The following PTPRT variants were observed in gnomAD, a reference collection of about 807,000 sequenced individuals.
PTPRT encodes protein tyrosine phosphatase receptor type T, also known as receptor-type tyrosine-protein phosphatase T.
A neutral mutation model predicts 176.8 loss-of-function variants in PTPRT; 56 were observed. The ratio of observed to expected loss-of-function variants is 0.32; its 90% CI spans 0.26 to 0.40. PTPRT has a LOEUF of 0.40. Ranked by LOEUF, PTPRT falls within the 10% of genes least tolerant of loss-of-function variation. PTPRT has a pLI of 1.00. For missense variants in PTPRT, 1,540 were observed against 1,908.2 expected (o/e 0.81, Z 3.60); for synonymous variants, 783 against 739.0 (o/e 1.06, Z -0.96).
Position 43,163,465 on chromosome 20 carries a change from C to T in PTPRT, c.88+26181G>A, listed in dbSNP as rs1051293346. On this transcript the variant is annotated intron_variant, in intron 1 of 30. Coordinates refer to ENST00000373187, the MANE Select transcript of PTPRT (RefSeq NM_007050.6). Reference sequence around the variant, plus strand: ...CATCCTGGCTAACATGGTGAAACCCCGTCTCTACTAAAAATATAAAAAATT... The same window carrying T: ...CATCCTGGCTAACATGGTGAAACCCTGTCTCTACTAAAAATATAAAAAATT... 8.5e-5 allele frequency among the ~76,000 whole-genome samples: 13 copies of T among 152,078 alleles called. No homozygotes were observed. The East Asian group carries it at 2.1e-3, about 25-fold the overall frequency.
At chr20:42,648,820 G>GTTTTTTTTTTTTTTTTGTTT (rs2074968413) in intron 7 of PTPRT, among the ~76,000 whole-genome samples, 2 of 111,834 alleles carry the variant, frequency 1.8e-5, no homozygotes, top group Non-Finnish European at 3.5e-5. Context: ...TGGTGTCGTT[G>GTTTTTTTTTTTTTTTTGTTT]TTTTTTTTTT....
chr20:42,987,749 C>T (rs1444446153), intron 1 of PTPRT, among the ~76,000 whole-genome samples: 1 of 152,100 alleles, frequency 6.6e-6, no homozygotes, highest in Non-Finnish European at 1.5e-5. Flanking sequence ...CCAAAATTCA[C>T]CCATACAGAT....
At chr20:42,413,979 G>A (rs1013209570) in intron 9 of PTPRT, among the ~76,000 whole-genome samples, 1 of 152,054 alleles carries the variant, frequency 6.6e-6, no homozygotes, top group Non-Finnish European at 1.5e-5. Context: ...TCCTCCCGAG[G>A]AGCCACCATG....
rs565918601 is a variant in PTPRT at position 42,381,763 on chromosome 20, T to A, written c.1561-29478A>T. ...GACCCGATTAGTCTTCACCTCTCTT[T>A]GGGTCTGTTTCCAACTTAGACATCT... On this transcript the variant is annotated intron_variant, in intron 9 of 30. Coordinates refer to ENST00000373187, the MANE Select transcript of PTPRT (RefSeq NM_007050.6). 1.6e-4 allele frequency among the ~76,000 whole-genome samples: 25 copies of A among 152,300 alleles called. No homozygotes were observed. In the South Asian group the frequency reaches 4.8e-3, roughly 29 times the overall value.
intron 6 of PTPRT, among the ~76,000 whole-genome samples, chr20:42,714,108 G>A (rs1415689397): frequency 6.6e-6 from 1 of 152,152 alleles, no homozygotes; most frequent in Non-Finnish European, 1.5e-5. Flanking sequence ...GCAGCTGTTG[G>A]GTGAGCACCT....
intron 9 of PTPRT, among the ~76,000 whole-genome samples, chr20:42,447,710 C>A (rs892761780): frequency 6.6e-6 from 1 of 152,094 alleles, no homozygotes; most frequent in Non-Finnish European, 1.5e-5. Context: ...CCAGCTAATG[C>A]TTGGAATGGG....
At chr20:42,149,687 G>A (rs938819268) in intron 17 of PTPRT, among the ~76,000 whole-genome samples, 1 of 152,186 alleles carries the variant, frequency 6.6e-6, no homozygotes, top group African/African-American at 2.4e-5. Context: ...GCCTCCCAAA[G>A]TGCTGGGATT....
At chr20:42,360,324 C>T (rs2058416187) in intron 9 of PTPRT, among the ~76,000 whole-genome samples, 1 of 152,196 alleles carries the variant, frequency 6.6e-6, no homozygotes, top group Non-Finnish European at 1.5e-5. Flanking sequence ...TGCCTTCCCT[C>T]CCCTGCCTCA....
chr20:42,711,402 C>A (rs139873175), intron 6 of PTPRT, among the ~76,000 whole-genome samples: 30 of 152,168 alleles, frequency 2.0e-4, no homozygotes, highest in Non-Finnish European at 3.1e-4. Context: ...TGTCTTAAGG[C>A]TCTCCCTGTG....
At chr20:42,579,577 C>T (rs1364834403) in intron 7 of PTPRT, among the ~76,000 whole-genome samples, 1 of 152,124 alleles carries the variant, frequency 6.6e-6, no homozygotes, top group African/African-American at 2.4e-5. Flanking sequence ...CCTGTTGTTT[C>T]CTGACTTTTT....
chr20:43,126,826 G>C (rs6072987), intron 1 of PTPRT, among the ~76,000 whole-genome samples: 67,711 of 152,040 alleles, frequency 0.45, 17,023 homozygotes, highest in Non-Finnish European at 0.58. Flanking sequence ...ACACTGCACA[G>C]AGTGGTGGTG....
In PTPRT at chr20:42,448,234, T is replaced by C. The variant is rs760100248; in HGVS notation, c.1546A>G (p.Ile516Val). Residue 516 changes from isoleucine (I) to valine (V), a missense_variant, in exon 9 of 31, where the codon ATC (isoleucine) becomes GTC (valine). Around this residue, in one of 11 missense-constraint regions of PTPRT, gnomAD observed 136 missense variants for 135.0 expected, o/e 1.01. Transcript: ENST00000373187. ...GACCTCCTTACCTCGTAGAGCGTGA[T>C]GACCCCATTGGTCTCATTGGGAGGT... The part of the protein sequence containing the change: ...WKPPNETNGV[I>V]TLYEINYKAV... The C allele has an allele frequency of 1.4e-5, 22 of 1,611,462 alleles. No homozygotes were observed. The highest frequency in any genetic ancestry group is 1.8e-5 in the Non-Finnish European group (21 of 1,177,600).
intron 1 of PTPRT, among the ~76,000 whole-genome samples, chr20:43,008,161 G>A (rs188852273): frequency 1.3e-5 from 2 of 152,302 alleles, no homozygotes; most frequent in Non-Finnish European, 2.9e-5. Flanking sequence ...AACCCCACGA[G>A]GTAAGAGTAT....
intron 6 of PTPRT, among the ~76,000 whole-genome samples, chr20:42,739,354 G>A (rs916790495): frequency 2.0e-5 from 3 of 152,154 alleles, no homozygotes; most frequent in Non-Finnish European, 2.9e-5. Flanking sequence ...AGAGGAGGAT[G>A]TGGTAGGGGG....
intron 1 of PTPRT, among the ~76,000 whole-genome samples, chr20:43,086,528 T>C (rs1366077863): frequency 2.0e-5 from 3 of 152,192 alleles, no homozygotes; most frequent in Non-Finnish European, 4.4e-5. Flanking sequence ...GACTGGGTAT[T>C]TTGGCCTGAT....
intron 1 of PTPRT, among the ~76,000 whole-genome samples, chr20:43,025,876 C>T (rs1257086426): frequency 6.6e-6 from 1 of 151,996 alleles, no homozygotes; most frequent in African/African-American, 2.4e-5. Context: ...TCTCTGGCAC[C>T]CTTGCTTAGG....
chr20:42,756,708 A>C, intron 5 of PTPRT, 72 bp from the exon 6 acceptor site: 1 of 1,303,346 alleles, frequency 7.7e-7, no homozygotes, highest in South Asian at 1.6e-5. Context: ...CCCAACACGG[A>C]TATCCACCCA....
At chr20:42,238,487 T>C (rs1037033913) in intron 14 of PTPRT, among the ~76,000 whole-genome samples, 1 of 152,180 alleles carries the variant, frequency 6.6e-6, no homozygotes, top group African/African-American at 2.4e-5. Flanking sequence ...TCACCAGCCA[T>C]ACACGTTAGC....
chr20:42,324,075 A>G (rs1265616840), intron 11 of PTPRT, among the ~76,000 whole-genome samples: 2 of 152,244 alleles, frequency 1.3e-5, no homozygotes, highest in Non-Finnish European at 2.9e-5. Flanking sequence ...AACTGTTCAT[A>G]GAAGCATTAT....
Sources: allele counts gnomAD v4.1 joint callset (sites outside exome capture counted in the v4.1 genomes callset), GRCh38; gene constraint gnomAD v4.1.1; regional missense constraint gnomAD v4.1.1; transcripts MANE v1.5; gene names NCBI Gene and HGNC (gene_info 2026-07-23, HGNC 2026-07-21).